The following PRKCA variants were observed in gnomAD, a reference collection of about 807,000 sequenced individuals.
PRKCA encodes the protein protein kinase C alpha.
A neutral mutation model predicts 87.0 loss-of-function variants in PRKCA; 27 were observed. That is an observed-to-expected ratio of 0.31 (90% confidence interval 0.23 to 0.43). The LOEUF is 0.43. Ranked by LOEUF, PRKCA falls within the 20% of genes least tolerant of loss-of-function variation. The probability of loss-of-function intolerance (pLI) is 1.00; values close to 1 mark genes in which losing one functional copy is unlikely to be tolerated. For missense variants in PRKCA, 518 were observed against 852.3 expected, an observed-to-expected ratio of 0.61 and a Z score of 4.88; for synonymous variants, 329 against 311.1, an observed-to-expected ratio of 1.06 and a Z score of -0.61.
At chr17:66,345,211 A>G (rs1452101006) in intron 2 of PRKCA, among the ~76,000 whole-genome samples, 2 of 152,160 alleles carry the variant, frequency 1.3e-5, no homozygotes, top group African/African-American at 2.4e-5. Context: ...CAATTCACAC[A>G]TTTGAGATTT....
intron 2 of PRKCA, among the ~76,000 whole-genome samples, chr17:66,471,731 C>T (rs1339982498): frequency 1.4e-5 from 2 of 146,532 alleles, no homozygotes; most frequent in Non-Finnish European, 3.0e-5. Context: ...AGAAATGAAT[C>T]TGACTTATCA....
At chr17:66,401,445 G>A (rs1370906203) in intron 2 of PRKCA, among the ~76,000 whole-genome samples, 1 of 152,178 alleles carries the variant, frequency 6.6e-6, no homozygotes, top group African/African-American at 2.4e-5. Flanking sequence ...GGAGATGATA[G>A]GCAGAAGGTG....
chr17:66,690,606 G>A (rs1306506137), intron 8 of PRKCA, among the ~76,000 whole-genome samples: 2 of 152,108 alleles, frequency 1.3e-5, no homozygotes, highest in African/African-American at 4.8e-5. Flanking sequence ...GATGAGGCAG[G>A]CAGATCACTT....
chr17:66,381,495 G>A (rs1418726438), intron 2 of PRKCA, among the ~76,000 whole-genome samples: 1 of 152,158 alleles, frequency 6.6e-6, no homozygotes, highest in African/African-American at 2.4e-5. Flanking sequence ...CAGCATGAGA[G>A]GGAGGGCCAT....
At chr17:66,777,425 CT>C in intron 14 of PRKCA, 1 of 177,538 alleles carries the variant, frequency 5.6e-6, no homozygotes, top group Non-Finnish European at 7.8e-6. Flanking sequence ...TTTAGTTCCC[CT>C]CCCCCCACCC....
intron 5 of PRKCA, among the ~76,000 whole-genome samples, chr17:66,679,398 G>A (rs1157865508): frequency 6.6e-6 from 1 of 152,072 alleles, no homozygotes; most frequent in African/African-American, 2.4e-5. Context: ...AGCCAGGATG[G>A]TCTCAATCTC....
At chr17:66,746,119 C>T (rs1417553719) in intron 13 of PRKCA, among the ~76,000 whole-genome samples, 1 of 148,212 alleles carries the variant, frequency 6.7e-6, no homozygotes, top group East Asian at 2.0e-4. Context: ...TTTGGAAAAT[C>T]ACCTTAAGGT....
intron 9 of PRKCA, 25 bp downstream of exon 9, chr17:66,732,850 T>G: frequency 6.2e-7 from 1 of 1,605,086 alleles, no homozygotes; most frequent in Non-Finnish European, 8.5e-7. Context: ...GTCTGCAAAT[T>G]GCAGGGGCTT....
chr17:66,333,512 A>G (rs1253968479), intron 2 of PRKCA, among the ~76,000 whole-genome samples: 1 of 152,162 alleles, frequency 6.6e-6, no homozygotes, highest in African/African-American at 2.4e-5. Flanking sequence ...GTTGCCTTTT[A>G]TATAATTACA....
rs898761467 is a variant in PRKCA, at chr17:66,800,793, C to G, written c.1855-3080C>G. On this transcript the variant is annotated intron_variant, in intron 16 of 16. Transcript: ENST00000413366. ...ATCTGTGCAGCCCTAAATTCATCAACGTGTCCTGTGAAATGGGGAGAGAAC... is the reference window on the plus strand; with the variant it reads ...ATCTGTGCAGCCCTAAATTCATCAAGGTGTCCTGTGAAATGGGGAGAGAAC... 2.6e-5 allele frequency among the ~76,000 whole-genome samples: 4 copies of G among 152,356 alleles called. No individual in the cohort carries two copies. In the East Asian group the frequency reaches 7.7e-4, roughly 29 times the overall value.
At chr17:66,579,539 C>T (rs954933326) in intron 3 of PRKCA, among the ~76,000 whole-genome samples, 4 of 152,226 alleles carry the variant, frequency 2.6e-5, no homozygotes, top group Admixed American at 2.0e-4. Context: ...ACCATCCCCA[C>T]TGCACACATG....
intron 3 of PRKCA, among the ~76,000 whole-genome samples, chr17:66,534,664 C>T (rs1212491822): frequency 7.2e-5 from 11 of 152,018 alleles, no homozygotes; most frequent in Non-Finnish European, 1.3e-4. Context: ...AAGACTCTGT[C>T]TCAAAAAAGA....
At position 66,312,732 on chromosome 17, in the gene PRKCA, C is replaced by CTTTT. The variant is rs536411779; in HGVS notation, c.205+6622_205+6625dup. 1.9e-3 allele frequency among the ~76,000 whole-genome samples: 205 copies of CTTTT among 106,352 alleles called. 11 individuals carry two copies. The highest frequency in any genetic ancestry group is 2.1e-3 in the Non-Finnish European group (117 of 54,814). The allele number at this position is 106,352 out of a possible 152,430, so 69.8% of individuals were successfully genotyped here. On this transcript the variant is annotated intron_variant, in intron 2 of 16. Coordinates refer to ENST00000413366, the MANE Select transcript of PRKCA (RefSeq NM_002737.3). ...CTACATGTTCTTCCTATCGTAGGAC[C>CTTTT]TTTTTTTTTTTTTTTTTTTTGTGAG...
At chr17:66,392,233 A>C (rs1181910994) in intron 2 of PRKCA, among the ~76,000 whole-genome samples, 6 of 121,844 alleles carry the variant, frequency 4.9e-5, no homozygotes, top group Non-Finnish European at 1.8e-5. Context: ...GTGTCTCAAC[A>C]ACAACAAAAA....
chr17:66,728,848 C>A (rs376811880), intron 8 of PRKCA, among the ~76,000 whole-genome samples: 1 of 152,220 alleles, frequency 6.6e-6, no homozygotes, highest in Non-Finnish European at 1.5e-5. Flanking sequence ...GGTAGAACTG[C>A]GTGCTACAGT....
At chr17:66,658,366 A>C (rs1206472173) in intron 5 of PRKCA, among the ~76,000 whole-genome samples, 4 of 152,126 alleles carry the variant, frequency 2.6e-5, no homozygotes. Flanking sequence ...CTGTAATCCC[A>C]GCTACTTGGG....
chr17:66,593,640 A>C (rs1028966624), intron 3 of PRKCA, among the ~76,000 whole-genome samples: 3 of 152,228 alleles, frequency 2.0e-5, no homozygotes, highest in African/African-American at 7.2e-5. Context: ...TGTCATGGAC[A>C]TGAAGATGTT....
intron 2 of PRKCA, among the ~76,000 whole-genome samples, chr17:66,447,049 A>G (rs767873081): frequency 1.3e-5 from 2 of 152,204 alleles, no homozygotes; most frequent in Non-Finnish European, 2.9e-5. Context: ...GTAGTTTAGC[A>G]TAGTTCCGGA....
intron 3 of PRKCA, among the ~76,000 whole-genome samples, chr17:66,630,672 AG>A (rs1284891968): frequency 6.6e-6 from 1 of 152,228 alleles, no homozygotes; most frequent in East Asian, 1.9e-4. Context: ...AAATAAACCT[AG>A]GCCAATGAGA....
Sources: allele counts gnomAD v4.1 joint callset (sites outside exome capture counted in the v4.1 genomes callset), GRCh38; gene constraint gnomAD v4.1.1; transcripts MANE v1.5; gene names NCBI Gene and HGNC (gene_info 2026-07-23, HGNC 2026-07-21).